The following PTP4A3 variants were observed in gnomAD, a reference collection of about 807,000 sequenced individuals.
The protein encoded by PTP4A3 is protein tyrosine phosphatase type IVA 3.
In PTP4A3, 9 loss-of-function variants were observed where a neutral mutation model predicts 15.2. That is an observed-to-expected ratio of 0.59 (90% CI 0.36 to 1.03). The LOEUF is 1.03. Ranked by LOEUF, PTP4A3 falls within the 50% of genes least tolerant of loss-of-function variation. The pLI, the probability that PTP4A3 is intolerant of heterozygous loss-of-function variation, is 0.02. For missense variants in PTP4A3, 234 were observed against 252.1 expected, an observed-to-expected ratio of 0.93 and a Z score of 0.49; for synonymous variants, 95 against 102.0, an observed-to-expected ratio of 0.93 and a Z score of 0.41.
chr8:141,422,401 C>A, intron 2 of PTP4A3, 56 bp downstream of exon 2: 1 of 1,594,314 alleles, frequency 6.3e-7, no homozygotes, highest in East Asian at 2.2e-5. Flanking sequence ...GGAAGCCCGG[C>A]TGAGCTGCCC....
chr8:141,403,075 C>T lies in PTP4A3; in HGVS notation c.-854+10991C>T, dbSNP rs527672526. Among the ~76,000 whole-genome samples the T allele has an allele frequency of 7.9e-5, 12 of 152,270 alleles. No individual in the cohort carries two copies. In the South Asian group the frequency reaches 2.1e-3, roughly 26 times the overall value. On this transcript the variant is annotated intron_variant, in intron 1 of 5. Transcript: ENST00000521578. The stretch of plus-strand genomic sequence containing the variant: ...CCCTGGGGTGTGGGTGCCTCTGATT[C>T]GGAGGGAGTGACGGGACTTAGGGTT...
chr8:141,419,871 G>A (rs1833245654), intron 1 of PTP4A3, among the ~76,000 whole-genome samples: 1 of 152,116 alleles, frequency 6.6e-6, no homozygotes, highest in Non-Finnish European at 1.5e-5. Flanking sequence ...GAGCCACTGC[G>A]CCTGACACCC....
chr8:141,427,129 A>G (rs1833613335), intron 4 of PTP4A3, 60 bp downstream of exon 4: 4 of 1,571,154 alleles, frequency 2.5e-6, no homozygotes, highest in Admixed American at 3.5e-5. Flanking sequence ...TCGTGGTCTG[A>G]CAGCCTCGCT....
chr8:141,425,762 T>C lies in PTP4A3; in HGVS notation c.198+622T>C, dbSNP rs1299238081. ...CAGTCTCCTCAGTGCGGAGCACCCC[T>C]CAGTCACTGCTTTTCATCCCAGGAC... is the stretch of plus-strand genomic sequence containing the variant. On this transcript the variant is annotated intron_variant, in intron 3 of 5. Transcript: ENST00000521578. This position sits in a 1 kb window ranked among gnomAD's most constrained non-coding sequence, Gnocchi z 4.2. 2.0e-5 allele frequency among the ~76,000 whole-genome samples: 3 copies of C among 152,178 alleles called. No homozygotes were observed. The highest frequency in any genetic ancestry group is 2.0e-4 in the Admixed American group (3 of 15,286).
intron 1 of PTP4A3, among the ~76,000 whole-genome samples, chr8:141,414,625 G>T (rs1211594813): frequency 1.3e-5 from 2 of 151,872 alleles, no homozygotes; most frequent in Middle Eastern, 3.2e-3. Context: ...CTGGACTGGG[G>T]GGGGGGTAGG....
rs139315991 is a variant in PTP4A3, at chr8:141,427,037, C to T, written c.297C>T (p.Cys99=). ...AGTTCTGTGAGGCCCCCGGCAGCTG[C>T]GTGGCTGTGCACTGCGTGGCGGGCC... The part of the protein sequence containing the change: ...KAKFCEAPGS[C]VAVHCVAGLG... Residue 99 remains cysteine (C), a synonymous_variant, in exon 4 of 6, where the codon TGC becomes TGT. Coordinates refer to ENST00000521578, the MANE Select transcript of PTP4A3 (RefSeq NM_032611.3). 34 of 1,600,966 alleles carry T rather than the reference C, an allele frequency of 2.1e-5. No individual in the cohort carries two copies. In the African/African-American group the frequency reaches 2.3e-4, roughly 11 times the overall value.
chr8:141,397,499 C>T (rs571846763), intron 1 of PTP4A3, among the ~76,000 whole-genome samples: 3 of 152,356 alleles, frequency 2.0e-5, no homozygotes, highest in South Asian at 4.1e-4. Flanking sequence ...ATGACAACTC[C>T]GCCACCTGGC....
rs775234733 is a variant in PTP4A3, at chr8:141,431,098, C to G, written c.*54C>G. 7 of 1,554,710 alleles carry G rather than the reference C, an allele frequency of 4.5e-6. No individual in the cohort carries two copies. The highest frequency in any genetic ancestry group is 6.2e-6 in the Non-Finnish European group (7 of 1,127,776). ...ATGTAGGTCAGGACCTTGGCTGGAC[C>G]TGGAGGCCCTGCCCAGCCCTGCTCT... is the stretch of plus-strand genomic sequence containing the variant. On this transcript the variant is annotated 3_prime_UTR_variant, in exon 6 of 6. Transcript: ENST00000521578.
chr8:141,425,250 G>A lies in PTP4A3; in HGVS notation c.198+110G>A. ...TGGTGCCCCTCCTGTGGCAGCCCTGGGCATGTCTGTGCCTGGGCCACGTGT... is the reference window on the plus strand; with the variant it reads ...TGGTGCCCCTCCTGTGGCAGCCCTGAGCATGTCTGTGCCTGGGCCACGTGT... On this transcript the variant is annotated intron_variant, in intron 3 of 5. Transcript: ENST00000521578. This position sits in a 1 kb window ranked among gnomAD's most constrained non-coding sequence, Gnocchi z 4.2. 8.8e-7 allele frequency: 1 copy of A among 1,141,852 alleles called. No homozygotes were observed. The highest frequency in any genetic ancestry group is 1.3e-6 in the Non-Finnish European group (1 of 797,766). The allele number at this position is 1,141,852 out of a possible 1,614,324, so 70.7% of individuals were successfully genotyped here. A position where few individuals can be genotyped will look rare whatever the true frequency, so the allele number is the denominator to read the frequency against.
intron 2 of PTP4A3, among the ~76,000 whole-genome samples, chr8:141,424,492 C>T (rs1156926133): frequency 6.6e-6 from 1 of 152,164 alleles, no homozygotes; most frequent in African/African-American, 2.4e-5. Context: ...CTGGACCCAT[C>T]CCTGCGGCTC....
chr8:141,393,621 G>T (rs1049867272), intron 1 of PTP4A3, among the ~76,000 whole-genome samples: 1 of 152,244 alleles, frequency 6.6e-6, no homozygotes, highest in Non-Finnish European at 1.5e-5. Flanking sequence ...ATGAGATGCA[G>T]CCTCCAGGTG....
At chr8:141,427,638 G>A in intron 4 of PTP4A3, 112 bp from the exon 5 acceptor site, 1 of 888,772 alleles carries the variant, frequency 1.1e-6, no homozygotes, top group Non-Finnish European at 1.7e-6. Context: ...CTTCAGGCAG[G>A]GGGGATTCTG....
intron 1 of PTP4A3, among the ~76,000 whole-genome samples, chr8:141,400,615 G>A (rs569807432): frequency 6.2e-4 from 95 of 152,332 alleles, no homozygotes; most frequent in Admixed American, 4.1e-3. Context: ...CAGGATGTGC[G>A]TCTCGGCACC....
chr8:141,426,716 A>G (rs1833591390), intron 3 of PTP4A3: 2 of 965,544 alleles, frequency 2.1e-6, no homozygotes, highest in Non-Finnish European at 2.5e-6. Context: ...GGAGGAGGGG[A>G]TAGCTGCAGT....
chr8:141,395,535 G>A (rs907439722), intron 1 of PTP4A3, among the ~76,000 whole-genome samples: 13 of 150,184 alleles, frequency 8.7e-5, no homozygotes, highest in African/African-American at 3.2e-4. Flanking sequence ...AGGGGAACTG[G>A]GGGCCATTGC....
intron 2 of PTP4A3, among the ~76,000 whole-genome samples, chr8:141,423,239 G>A (rs534700935): frequency 5.3e-5 from 8 of 152,258 alleles, no homozygotes; most frequent in Non-Finnish European, 1.2e-4. Flanking sequence ...CAGGGAGCCT[G>A]GACCCTGGAC....
rs1018381512 is a variant in PTP4A3, at chr8:141,392,174, G to T, written c.-854+90G>T. The T allele has an allele frequency of 4.2e-4, 63 of 148,774 alleles. 1 individual carries two copies. Among genetic ancestry groups the T allele is most frequent in the African/African-American group, 4.1e-4 (17 of 41,176 alleles). 9.2% of individuals were successfully genotyped at this position (148,774 alleles called of 1,614,324 possible). ...CCGTCCGCGCGCGAGCCCGCCGCCC[G>T]CTCCGGGCACGGCTTCGGGGCCGCG... On this transcript the variant is annotated intron_variant, in intron 1 of 5. Transcript: ENST00000521578.
chr8:141,427,510 C>T (rs1034003478), intron 4 of PTP4A3, among the ~76,000 whole-genome samples: 1 of 152,226 alleles, frequency 6.6e-6, no homozygotes, highest in East Asian at 1.9e-4. Flanking sequence ...TAGCACTTCA[C>T]CCGCCAGCTC....
At position 141,414,149 on chromosome 8, in the gene PTP4A3, C is replaced by T. The variant is rs528551449; in HGVS notation, c.-853-7239C>T. Among the ~76,000 whole-genome samples, 72 of 152,302 alleles carry T rather than the reference C, an allele frequency of 4.7e-4. 1 individual carries two copies. The highest frequency in any genetic ancestry group is 1.4e-3 in the African/African-American group (57 of 41,558). The stretch of plus-strand genomic sequence containing the variant: ...GTGCTTGCCAGAGCTTCCCATTGGG[C>T]GGTTTCCACACTGGCTTCTCAGTCA... On this transcript the variant is annotated intron_variant, in intron 1 of 5. Transcript: ENST00000521578.
Sources: allele counts gnomAD v4.1 joint callset (sites outside exome capture counted in the v4.1 genomes callset), GRCh38; gene constraint gnomAD v4.1.1; non-coding constraint Gnocchi (gnomAD v3.1); transcripts MANE v1.5; gene names NCBI Gene and HGNC (gene_info 2026-07-23, HGNC 2026-07-21).